Variants in STAT6 observed in about 807,000 individuals in gnomAD.
The protein encoded by STAT6 is STAT, interleukin4-induced.
In STAT6, 45 loss-of-function variants were observed where a neutral mutation model predicts 106.3. That is an observed-to-expected ratio of 0.42 (90% CI 0.33 to 0.54). The LOEUF (loss-of-function observed/expected upper bound fraction) is 0.54, where lower values mean the gene tolerates loss of function less well. Ranked by LOEUF, STAT6 falls within the 20% of genes least tolerant of loss-of-function variation. The pLI, the probability that STAT6 is intolerant of heterozygous loss-of-function variation, is 0.06. For missense variants in STAT6, 797 were observed against 1,062.2 expected, an observed-to-expected ratio of 0.75 and a Z score of 3.47; for synonymous variants, 413 against 413.6, an observed-to-expected ratio of 1.00 and a Z score of 0.02.
chr12:57,108,408 C>G (rs2034404478), intron 1 of STAT6, 109 bp from the exon 2 acceptor site: 3 of 644,376 alleles, frequency 4.7e-6, no homozygotes, highest in African/African-American at 1.8e-5. Flanking sequence ...CCGTCCCCAC[C>G]ACCACTCATG....
intron 1 of STAT6, among the ~76,000 whole-genome samples, chr12:57,108,916 C>T (rs960277800): frequency 6.6e-6 from 1 of 152,088 alleles, no homozygotes. Flanking sequence ...CCACAAGGCT[C>T]GGCCAGGCGC....
intron 21 of STAT6, 32 bp downstream of exon 21, chr12:57,096,818 C>T: frequency 6.2e-7 from 1 of 1,613,860 alleles, no homozygotes; most frequent in South Asian, 1.1e-5. Flanking sequence ...CCCTAGATGC[C>T]ACCCAGCCTC....
chr12:57,108,180 C>A lies in STAT6; in HGVS notation c.99G>T (p.Trp33Cys), dbSNP rs768725046. The A allele has an allele frequency of 3.7e-6, 6 of 1,610,522 alleles. No homozygotes were observed. The change falls in exon 2 of 22, where the codon TGG (tryptophan) becomes TGT (cysteine). Residue 33 changes from tryptophan to cysteine, a missense_variant. Physicochemically the swap from Trp to Cys is radical, Grantham distance 215. Transcript: ENST00000300134. ...PQHLRHLLGDWLESQPWEFLV... is the reference protein window; with the variant it reads ...PQHLRHLLGDCLESQPWEFLV... ...GGACTCACCAGGGCTGGCTCTCCAG[C>A]CAGTCACCCAGAAGATGCCGCAGGT... is the stretch of plus-strand genomic sequence containing the variant.
In STAT6 at chr12:57,107,660, G is replaced by A. The variant is rs767265892; in HGVS notation, c.200C>T (p.Ser67Leu). Residue 67 changes from serine (S) to leucine (L), a missense_variant, in exon 3 of 22, where the codon TCG (serine) becomes TTG (leucine). By Grantham distance (145) the Ser-to-Leu change is moderately radical (BLOSUM62 -2). Around this residue, in one of 4 missense-constraint regions of STAT6, gnomAD observed 336 missense variants for 429.8 expected, o/e 0.78. Transcript: ENST00000300134. ...GCTCCCCTCCCCCTGCTCTCCCACC[G>A]AGGCCTGAAGGTGCTGGACAGTGTC... ...LSDTVQHLQA[S>L]VGEQGEGSTI... 5.0e-6 allele frequency: 8 copies of A among 1,613,156 alleles called. No homozygotes were observed. The highest frequency in any genetic ancestry group is 2.2e-5 in the East Asian group (1 of 44,832).
In STAT6 at chr12:57,102,935, G is replaced by T; in HGVS notation, c.1213-14C>A. ...CAGAGACAGGGCCTGAAGAGGGTGA[G>T]GACAGGGGTTTCTTTTCTTTCTTTC... On this transcript the variant is annotated splice_polypyrimidine_tract_variant and intron_variant, in intron 11 of 21. Transcript: ENST00000300134. 3.5e-6 allele frequency: 5 copies of T among 1,440,938 alleles called. No individual in the cohort carries two copies. Among genetic ancestry groups the T allele is most frequent in the Non-Finnish European group, 4.7e-6 (5 of 1,066,566 alleles). The allele number at this position is 1,440,938 out of a possible 1,614,324, so 89.3% of individuals were successfully genotyped here.
At position 57,099,475 on chromosome 12, in the gene STAT6, C is replaced by G. The variant is rs753743022; in HGVS notation, c.1745-35G>C. The G allele has an allele frequency of 6.2e-7, 1 of 1,613,494 alleles. No individual in the cohort carries two copies. Among genetic ancestry groups the G allele is most frequent in the Non-Finnish European group, 8.5e-7 (1 of 1,179,696 alleles). ...GAAGGAGACCCTGAGATCCCTCTGT[C>G]CGGACTTTCTTCCCCTTCCCCAACC... is the stretch of plus-strand genomic sequence containing the variant. On this transcript the variant is annotated intron_variant, in intron 15 of 21. Coordinates refer to ENST00000300134, the MANE Select transcript of STAT6 (RefSeq NM_003153.5). The surrounding 1 kb of genome is among the most constrained non-coding windows in gnomAD (Gnocchi z 4.7).
In STAT6 at chr12:57,096,512, A is replaced by C. The variant is rs1240202880; in HGVS notation, c.*60T>G. 10 of 1,484,018 alleles carry C rather than the reference A, an allele frequency of 6.7e-6. No homozygotes were observed. The highest frequency in any genetic ancestry group is 2.3e-5 in the Admixed American group (1 of 44,314). 91.9% of individuals were successfully genotyped at this position (1,484,018 alleles called of 1,614,324 possible). A position where few individuals can be genotyped will look rare whatever the true frequency, so the allele number is the denominator to read the frequency against. On this transcript the variant is annotated 3_prime_UTR_variant, in exon 22 of 22. Coordinates refer to ENST00000300134, the MANE Select transcript of STAT6 (RefSeq NM_003153.5). Reference sequence around the variant, plus strand: ...CTTGGCAGGGCATGAGCAAGTGTCCAGAGCAGGTCTGTGGGGGTAGTAGAA... The same window carrying C: ...CTTGGCAGGGCATGAGCAAGTGTCCCGAGCAGGTCTGTGGGGGTAGTAGAA...
chr12:57,096,809 C>T (rs747173993), intron 21 of STAT6, 41 bp downstream of exon 21: 2 of 1,613,704 alleles, frequency 1.2e-6, no homozygotes, highest in African/African-American at 2.7e-5. Context: ...CGCCCACTCC[C>T]CTAGATGCCA....
In STAT6 at chr12:57,103,036, C is replaced by T. The variant is rs144646510; in HGVS notation, c.1213-115G>A. On this transcript the variant is annotated intron_variant, in intron 11 of 21. Transcript: ENST00000300134. ...TTTTAGATAGTATCTCACTCTGTTGCCCAGGCTGGAGTGCAGTAGTGCAAT... is the reference window on the plus strand; with the variant it reads ...TTTTAGATAGTATCTCACTCTGTTGTCCAGGCTGGAGTGCAGTAGTGCAAT... 1.9e-3 allele frequency: 1,352 copies of T among 718,046 alleles called. 36 individuals are homozygous for T. In the African/African-American group the frequency reaches 0.026, roughly 14 times the overall value. The allele number at this position is 718,046 out of a possible 1,614,324, so 44.5% of individuals were successfully genotyped here.
At position 57,099,721 on chromosome 12, in the gene STAT6, A is replaced by G. The variant is rs758589783; in HGVS notation, c.1744+46T>C. The stretch of plus-strand genomic sequence containing the variant: ...ACATTTCATTCCCAGAAGAAACCCC[A>G]GAGGGCACAGGCACAGAGACAGAGG... On this transcript the variant is annotated intron_variant, in intron 15 of 21. Coordinates refer to ENST00000300134, the MANE Select transcript of STAT6 (RefSeq NM_003153.5). This position sits in a 1 kb window ranked among gnomAD's most constrained non-coding sequence, Gnocchi z 4.7. The G allele has an allele frequency of 1.1e-5, 17 of 1,611,134 alleles. No homozygotes were observed. The South Asian group carries it at 1.9e-4, about 18-fold the overall frequency.
Position 57,096,308 on chromosome 12 carries a change from A to C in STAT6, c.*264T>G. On this transcript the variant is annotated 3_prime_UTR_variant, in exon 22 of 22. Coordinates refer to ENST00000300134, the MANE Select transcript of STAT6 (RefSeq NM_003153.5). Reference sequence around the variant, plus strand: ...GCGTGTGCGCGCTGCAGGTGCAGGCATGTTGGGGTGTGTCTCAGAGCCTGA... The same window carrying C: ...GCGTGTGCGCGCTGCAGGTGCAGGCCTGTTGGGGTGTGTCTCAGAGCCTGA... 1 of 467,044 alleles carries C rather than the reference A, an allele frequency of 2.1e-6. No individual in the cohort carries two copies. Among genetic ancestry groups the C allele is most frequent in the Middle Eastern group, 5.5e-4 (1 of 1,810 alleles). The allele number at this position is 467,044 out of a possible 1,614,324, so 28.9% of individuals were successfully genotyped here. A position where few individuals can be genotyped will look rare whatever the true frequency, so the allele number is the denominator to read the frequency against.
chr12:57,100,702 GAAAGAAAGAA>G (rs1565684701), intron 13 of STAT6: 596 of 55,776 alleles, frequency 0.011, 7 homozygotes, highest in South Asian at 0.024. Context: ...GAAAGAAAGA[GAAAGAAAGAA>G]AGAAAGAAAG....
At position 57,099,195 on chromosome 12, in the gene STAT6, G is replaced by A. The variant is rs184093114; in HGVS notation, c.1891+99C>T. The A allele has an allele frequency of 1.4e-5, 23 of 1,594,940 alleles. No individual in the cohort carries two copies. Among genetic ancestry groups the A allele is most frequent in the Non-Finnish European group, 2.0e-5 (23 of 1,164,022 alleles). On this transcript the variant is annotated intron_variant, in intron 16 of 21. Coordinates refer to ENST00000300134, the MANE Select transcript of STAT6 (RefSeq NM_003153.5). This position sits in a 1 kb window ranked among gnomAD's most constrained non-coding sequence, Gnocchi z 4.7. ...GAGAAGCACAGCTATGAAATAGGGA[G>A]TGACATCAGGATGACACGCGGGCAG...
chr12:57,099,633 AG>A lies in STAT6; in HGVS notation c.1744+133del. 8 of 1,430,424 alleles carry A rather than the reference AG, an allele frequency of 5.6e-6. 1 individual carries two copies. The highest frequency in any genetic ancestry group is 4.3e-5 in the African/African-American group (3 of 70,244). 88.6% of individuals were successfully genotyped at this position (1,430,424 alleles called of 1,614,324 possible). On this transcript the variant is annotated intron_variant, in intron 15 of 21. Transcript: ENST00000300134. This position sits in a 1 kb window ranked among gnomAD's most constrained non-coding sequence, Gnocchi z 4.7. ...GTGAGAAGGTGAACATTTAGACCAC[AG>A]AAGGAAGAAGAGAAGCTGGAAGAAC... is the stretch of plus-strand genomic sequence containing the variant.
Position 57,099,392 on chromosome 12 carries a change from G to C in STAT6, c.1793C>G (p.Ser598Cys). The change falls in exon 16 of 22, where the codon TCC (serine) becomes TGC (cysteine). Residue 598 changes from serine (S) to cysteine (C), a missense_variant. Physicochemically the swap from Ser to Cys is moderately radical, Grantham distance 112. Transcript: ENST00000300134. This position sits in a 1 kb window ranked among gnomAD's most constrained non-coding sequence, Gnocchi z 4.7. Reference sequence around the variant, plus strand: ...GATTCGGTCCCCCAGTGAGCGAATGGACAGGTCTTTGGCAGAGAATGGCTG... The same window carrying C: ...GATTCGGTCCCCCAGTGAGCGAATGCACAGGTCTTTGGCAGAGAATGGCTG... Reference protein sequence around the residue: ...NIQPFSAKDLSIRSLGDRIRD... With the variant: ...NIQPFSAKDLCIRSLGDRIRD... The C allele has an allele frequency of 6.2e-7, 1 of 1,614,190 alleles. No homozygotes were observed. The highest frequency in any genetic ancestry group is 8.5e-7 in the Non-Finnish European group (1 of 1,180,032).
chr12:57,097,948 G>A (rs1381905459), intron 19 of STAT6, among the ~76,000 whole-genome samples: 2 of 152,032 alleles, frequency 1.3e-5, no homozygotes, highest in Non-Finnish European at 2.9e-5. Flanking sequence ...TTACCATTAT[G>A]TTACTATTTC....
intron 6 of STAT6, 79 bp downstream of exon 6, chr12:57,106,449 C>T: frequency 6.2e-7 from 1 of 1,608,088 alleles, no homozygotes; most frequent in Non-Finnish European, 8.5e-7. Flanking sequence ...CTACTTCAGC[C>T]TGTGTCTTTC....
intron 7 of STAT6, 185 bp downstream of exon 7, chr12:57,106,006 G>A: frequency 1.0e-6 from 1 of 1,001,120 alleles, no homozygotes; most frequent in South Asian, 1.7e-5. Context: ...CCCTCCACTA[G>A]GCCCACTTGT....
rs1219554331 is a variant in STAT6, at chr12:57,105,546, G to A, written c.734C>T (p.Ala245Val). ...GGTCTTGGGCTCAAGCTCCCCACCA[G>A]CCGCCCCTACCTCCTGCTGTAGCTG... ...YSQLQQEVGAAGGELEPKTRA... is the reference protein window; with the variant it reads ...YSQLQQEVGAVGGELEPKTRA... The change falls in exon 8 of 22, where the codon GCT (alanine) becomes GTT (valine). Residue 245 changes from alanine to valine, a missense_variant. By Grantham distance (64) the Ala-to-Val change is moderately conservative (BLOSUM62 0). Around this residue, in one of 4 missense-constraint regions of STAT6, gnomAD observed 336 missense variants for 429.8 expected, o/e 0.78. Transcript: ENST00000300134. 12 of 1,614,038 alleles carry A rather than the reference G, an allele frequency of 7.4e-6. No homozygotes were observed. The highest frequency in any genetic ancestry group is 9.3e-6 in the Non-Finnish European group (11 of 1,179,948).
Sources: gnomAD v4.1 joint callset for allele counts (sites outside exome capture counted in the v4.1 genomes callset) on GRCh38, gnomAD v4.1.1 for gene constraint, gnomAD v4.1.1 regional missense constraint, Gnocchi (gnomAD v3.1) non-coding constraint, MANE v1.5 for transcripts, NCBI Gene and HGNC (gene_info 2026-07-23, HGNC 2026-07-21) for gene names.